The following CASS4 variants were observed in gnomAD, a reference collection of about 807,000 sequenced individuals.
CASS4 encodes the protein Cas scaffold protein family member 4.
Under a neutral mutation model 54.2 loss-of-function variants are expected in CASS4, and 22 were observed. The observed-to-expected ratio is 0.41, with a 90% CI of 0.29 to 0.58. The LOEUF is 0.58. Ranked by LOEUF, CASS4 falls within the 20% of genes least tolerant of loss-of-function variation. The pLI is 0.36. For synonymous variants in CASS4, 409 were observed against 391.5 expected, an observed-to-expected ratio of 1.04 and a Z score of -0.53; for missense variants, 854 against 986.7, an observed-to-expected ratio of 0.87 and a Z score of 1.80.
chr20:56,442,324 G>A (rs544993125), intron 2 of CASS4, among the ~76,000 whole-genome samples: 1 of 151,884 alleles, frequency 6.6e-6, no homozygotes, highest in African/African-American at 2.4e-5. Context: ...TTTTACAGAT[G>A]AGGACATTAA....
intron 2 of CASS4, among the ~76,000 whole-genome samples, chr20:56,443,764 G>C (rs1229493029): frequency 6.6e-6 from 1 of 152,122 alleles, no homozygotes; most frequent in Admixed American, 6.5e-5. Flanking sequence ...TCTCCCCTTG[G>C]GAACCACGAA....
rs1981501331 is a variant in CASS4, at chr20:56,459,534, A to C, written c.*787A>C. The C allele has an allele frequency of 4.2e-6, 1 of 235,626 alleles. No individual in the cohort carries two copies. The highest frequency in any genetic ancestry group is 9.4e-6 in the Non-Finnish European group (1 of 105,926). 14.6% of individuals were successfully genotyped at this position (235,626 alleles called of 1,614,324 possible). A position where few individuals can be genotyped will look rare whatever the true frequency, so the allele number is the denominator to read the frequency against. On this transcript the variant is annotated 3_prime_UTR_variant, in exon 6 of 6. Transcript: ENST00000679887. ...CTGGGGAGTGGGGCGATTTTGTTTT[A>C]ATTTCTCGGTCAGGAATCACTTAAT...
intron 1 of CASS4, among the ~76,000 whole-genome samples, chr20:56,424,671 G>A (rs1314439154): frequency 6.7e-6 from 1 of 149,614 alleles, no homozygotes; most frequent in African/African-American, 2.5e-5. Context: ...ATCCCAGGTG[G>A]CAGAGGTTGC....
chr20:56,452,404 G>A lies in CASS4; in HGVS notation c.1228G>A (p.Val410Ile), dbSNP rs777600668. The change falls in exon 5 of 6, where the codon GTT becomes ATT. Residue 410 changes from valine (V) to isoleucine (I), a missense_variant. Val to Ile is a conservative substitution (Grantham distance 29, BLOSUM62 3). Coordinates refer to ENST00000679887, the MANE Select transcript of CASS4 (RefSeq NM_020356.4). ...CAGTTCTGACAGCAGAGCTAGCATC[G>A]TTTCCTCGTGCTCCACCACATCCAC... ...GSSSDSRASIVSSCSTTSTDD... is the reference protein window; with the variant it reads ...GSSSDSRASIISSCSTTSTDD... The A allele has an allele frequency of 1.9e-5, 30 of 1,613,846 alleles. No homozygotes were observed. The highest frequency in any genetic ancestry group is 2.7e-5 in the African/African-American group (2 of 74,904).
At chr20:56,448,891 A>G (rs971869092) in intron 3 of CASS4, among the ~76,000 whole-genome samples, 1 of 152,164 alleles carries the variant, frequency 6.6e-6, no homozygotes, top group Admixed American at 6.5e-5. Flanking sequence ...GAGAAATGCA[A>G]ATCAAAACCA....
intron 1 of CASS4, among the ~76,000 whole-genome samples, chr20:56,424,773 C>A: frequency 6.9e-6 from 1 of 144,994 alleles, no homozygotes. Context: ...ATCACAGGTT[C>A]TTTCTTGGGT....
chr20:56,447,918 A>T (rs1980801534), intron 3 of CASS4, among the ~76,000 whole-genome samples: 1 of 152,118 alleles, frequency 6.6e-6, no homozygotes, highest in African/African-American at 2.4e-5. Context: ...TGAGGCAGGT[A>T]GATCACGAGG....
intron 1 of CASS4, among the ~76,000 whole-genome samples, chr20:56,415,707 C>T (rs952993429): frequency 1.3e-5 from 2 of 152,210 alleles, no homozygotes; most frequent in African/African-American, 4.8e-5. Context: ...TCATTCAGGG[C>T]CACCGCAGAT....
Position 56,437,401 on chromosome 20 carries a change from G to T in CASS4, c.274G>T (p.Ala92Ser). The T allele has an allele frequency of 6.2e-7, 1 of 1,614,066 alleles. No homozygotes were observed. The highest frequency in any genetic ancestry group is 8.5e-7 in the Non-Finnish European group (1 of 1,179,924). Residue 92 changes from alanine to serine, a missense_variant, in exon 2 of 6, where the codon GCC (alanine) becomes TCC (serine). Physicochemically the swap from Ala to Ser is moderately conservative, Grantham distance 99. Transcript: ENST00000679887. This position sits in a 1 kb window ranked among gnomAD's most constrained non-coding sequence, Gnocchi z 4.7. ...PFLRGLEEAP[A>S]SSEETYQVPT... is the part of the protein sequence containing the mutation. ...CCTGAGAGGCCTGGAAGAAGCTCCTGCCAGCTCAGAGGAGACCTATCAGGT... is the reference window on the plus strand; with the variant it reads ...CCTGAGAGGCCTGGAAGAAGCTCCTTCCAGCTCAGAGGAGACCTATCAGGT...
intron 1 of CASS4, among the ~76,000 whole-genome samples, chr20:56,426,395 G>A (rs1046257798): frequency 1.5e-4 from 23 of 152,156 alleles, no homozygotes; most frequent in Non-Finnish European, 8.8e-5. Context: ...CCTGATTCCC[G>A]AGGCGTTGGC....
intron 2 of CASS4, among the ~76,000 whole-genome samples, 187 bp from the exon 3 acceptor site, chr20:56,445,713 C>G (rs150951279): frequency 1.3e-3 from 196 of 152,330 alleles, no homozygotes; most frequent in African/African-American, 4.6e-3. Flanking sequence ...AAGGCTGCCT[C>G]CACCGGGGAG....
chr20:56,436,411 T>TAGG (rs1980170005), intron 1 of CASS4, among the ~76,000 whole-genome samples: 1 of 149,622 alleles, frequency 6.7e-6, no homozygotes, highest in South Asian at 2.1e-4. Flanking sequence ...TGGGTACATA[T>TAGG]ATATATCAAC....
chr20:56,453,801 G>A (rs1981158507), intron 5 of CASS4: 1 of 152,328 alleles, frequency 6.6e-6, no homozygotes, highest in Non-Finnish European at 1.5e-5. Context: ...TTGAGACCAG[G>A]AGTTTGGGGT....
At chr20:56,445,822 G>GGTGGATCA in intron 2 of CASS4, 78 bp from the exon 3 acceptor site, 3 of 1,157,956 alleles carry the variant, frequency 2.6e-6, no homozygotes, top group East Asian at 2.4e-5. Context: ...CTCTGCTTTT[G>GGTGGATCA]GAGAGATGAC....
rs530379166 is a variant in CASS4 at position 56,429,155 on chromosome 20, G to A, written c.37-8009G>A. Among the ~76,000 whole-genome samples the A allele has an allele frequency of 7.2e-5, 11 of 152,288 alleles. No individual in the cohort carries two copies. The South Asian group carries it at 1.9e-3, about 26-fold the overall frequency. ...AGGCTGCAGGAGCTGCTTCTCTCCC[G>A]GCTCATCTAAGCTGCTCCTGCCTAG... On this transcript the variant is annotated intron_variant, in intron 1 of 5. Transcript: ENST00000679887.
chr20:56,437,653 T>G lies in CASS4; in HGVS notation c.459+67T>G. ...GGAAACACCCAGAGGCCTAACTACC[T>G]CTTGAGGCATGGGTGTCCTTCAGAT... On this transcript the variant is annotated intron_variant, in intron 2 of 5. Transcript: ENST00000679887. This position sits in a 1 kb window ranked among gnomAD's most constrained non-coding sequence, Gnocchi z 4.7. 1 of 1,363,444 alleles carries G rather than the reference T, an allele frequency of 7.3e-7. No individual in the cohort carries two copies. The highest frequency in any genetic ancestry group is 9.9e-7 in the Non-Finnish European group (1 of 1,009,278). 84.5% of individuals were successfully genotyped at this position (1,363,444 alleles called of 1,614,324 possible).
Position 56,450,585 on chromosome 20 carries a change from T to C in CASS4, c.562-14T>C, listed in dbSNP as rs886589948. On this transcript the variant is annotated splice_polypyrimidine_tract_variant and intron_variant, in intron 3 of 5. Coordinates refer to ENST00000679887, the MANE Select transcript of CASS4 (RefSeq NM_020356.4). The stretch of plus-strand genomic sequence containing the variant: ...GAAACATTCAAGTTGTCTGCCTTTG[T>C]GGTCTTTCCCCAGGAGCCAGAGAAG... The C allele has an allele frequency of 6.2e-7, 1 of 1,613,318 alleles. No homozygotes were observed. Among genetic ancestry groups the C allele is most frequent in the Non-Finnish European group, 8.5e-7 (1 of 1,179,292 alleles).
At chr20:56,423,807 A>G (rs1157954643) in intron 1 of CASS4, among the ~76,000 whole-genome samples, 1 of 152,176 alleles carries the variant, frequency 6.6e-6, no homozygotes, top group Admixed American at 6.5e-5. Context: ...GGCGTCCCAA[A>G]GTGTTGGGAT....
At chr20:56,421,962 G>A (rs1463088913) in intron 1 of CASS4, among the ~76,000 whole-genome samples, 2 of 152,334 alleles carry the variant, frequency 1.3e-5, no homozygotes, top group East Asian at 3.9e-4. Flanking sequence ...AGAATTCATG[G>A]GAAATGTAGA....
Sources: gnomAD v4.1 joint callset for allele counts (sites outside exome capture counted in the v4.1 genomes callset) on GRCh38, gnomAD v4.1.1 for gene constraint, Gnocchi (gnomAD v3.1) non-coding constraint, MANE v1.5 for transcripts, NCBI Gene and HGNC (gene_info 2026-07-23, HGNC 2026-07-21) for gene names.